Variants in PLOD2 observed in about 807,000 individuals in gnomAD.
PLOD2 encodes procollagen-lysine,2-oxoglutarate 5-dioxygenase 2.
A neutral mutation model predicts 101.0 loss-of-function variants in PLOD2; 65 were observed. The ratio of observed to expected loss-of-function variants is 0.64; its 90% CI spans 0.53 to 0.79. PLOD2 has a LOEUF of 0.79. Among genes scored for constraint, PLOD2 ranks in the 30% least tolerant of loss-of-function variants. The pLI is 0.00. For missense variants in PLOD2, 909 were observed against 914.6 expected (o/e 0.99, Z 0.08); for synonymous variants, 314 against 302.9 (o/e 1.04, Z -0.38).
intron 8 of PLOD2, among the ~76,000 whole-genome samples, chr3:146,090,074 G>A (rs1460606766): frequency 6.6e-6 from 1 of 150,978 alleles, no homozygotes; most frequent in Non-Finnish European, 1.5e-5. Context: ...CTTTGTGTAT[G>A]TATATTAAAT....
At chr3:146,154,825 T>TA (rs2032225519) in intron 1 of PLOD2, among the ~76,000 whole-genome samples, 1 of 152,202 alleles carries the variant, frequency 6.6e-6, no homozygotes, top group Non-Finnish European at 1.5e-5. Context: ...AGTCAATCAG[T>TA]AACTAAGTAT....
chr3:146,083,557 G>T (rs1327397179), intron 11 of PLOD2, among the ~76,000 whole-genome samples: 1 of 149,968 alleles, frequency 6.7e-6, no homozygotes, highest in African/African-American at 2.5e-5. Flanking sequence ...AAGGGCCCCA[G>T]ATGGCAGGTA....
chr3:146,130,011 T>C (rs1025908607), intron 1 of PLOD2, among the ~76,000 whole-genome samples: 27 of 152,152 alleles, frequency 1.8e-4, no homozygotes, highest in Non-Finnish European at 7.4e-5. Context: ...CATTGGTAAA[T>C]ACCCTCTTAG....
intron 1 of PLOD2, among the ~76,000 whole-genome samples, chr3:146,152,706 G>C (rs1314253875): frequency 6.6e-6 from 1 of 152,088 alleles, no homozygotes; most frequent in Non-Finnish European, 1.5e-5. Flanking sequence ...CAGGTATCCA[G>C]GTTGCTTACC....
intron 1 of PLOD2, among the ~76,000 whole-genome samples, chr3:146,130,467 G>A (rs577034755): frequency 1.3e-5 from 2 of 152,246 alleles, no homozygotes; most frequent in African/African-American, 4.8e-5. Context: ...GTTACAGAAA[G>A]GCAGAGAACA....
intron 1 of PLOD2, among the ~76,000 whole-genome samples, chr3:146,150,916 C>T (rs2032023829): frequency 6.6e-6 from 1 of 152,258 alleles, no homozygotes; most frequent in East Asian, 1.9e-4. Flanking sequence ...GTTTTCTCTT[C>T]TCATATAAAA....
At chr3:146,156,153 A>C (rs2032296821) in intron 1 of PLOD2, among the ~76,000 whole-genome samples, 1 of 152,198 alleles carries the variant, frequency 6.6e-6, no homozygotes, top group African/African-American at 2.4e-5. Context: ...TGAACGCAAA[A>C]CACCACAGGA....
At chr3:146,074,606 T>C (rs1018722709) in intron 15 of PLOD2, among the ~76,000 whole-genome samples, 1 of 151,612 alleles carries the variant, frequency 6.6e-6, no homozygotes, top group Non-Finnish European at 1.5e-5. Context: ...AGCTTTCTGA[T>C]TCTAAAATGT....
chr3:146,085,472 G>C, intron 10 of PLOD2, 199 bp from the exon 11 acceptor site: 1 of 556,786 alleles, frequency 1.8e-6, no homozygotes, highest in East Asian at 3.0e-5. Flanking sequence ...GATATTCACA[G>C]GGAGCTCACC....
At chr3:146,158,059 C>G (rs979129101) in intron 1 of PLOD2, among the ~76,000 whole-genome samples, 48 of 152,154 alleles carry the variant, frequency 3.2e-4, no homozygotes, top group African/African-American at 1.2e-3. Context: ...CAGTTTGGAT[C>G]ATAGAATAGT....
chr3:146,086,711 TAATTTA>T, intron 10 of PLOD2, 70 bp downstream of exon 10: 1 of 1,105,636 alleles, frequency 9.0e-7, no homozygotes, highest in Non-Finnish European at 1.3e-6. Flanking sequence ...ATAACAATTT[TAATTTA>T]AAAGTTTATT....
chr3:146,073,113 T>C (rs937802445), intron 16 of PLOD2, among the ~76,000 whole-genome samples, 174 bp downstream of exon 16: 2 of 151,688 alleles, frequency 1.3e-5, no homozygotes, highest in Non-Finnish European at 3.0e-5. Flanking sequence ...TTCTATGTTC[T>C]ACATTTTACA....
At chr3:146,141,431 G>T (rs1438184710) in intron 1 of PLOD2, among the ~76,000 whole-genome samples, 1 of 152,096 alleles carries the variant, frequency 6.6e-6, no homozygotes, top group East Asian at 1.9e-4. Flanking sequence ...ATTGAGATGG[G>T]GAAAGAAATC....
In PLOD2 at chr3:146,160,907, G is replaced by C; in HGVS notation, c.83C>G (p.Ser28Trp). ...HPWNPCLGAD[S>W]EKPSSIPTDK... ...TGTGGGGATGCTCGAGGGCTTCTCC[G>C]AGTCCGCACCCAGACAGGGATTCCA... The change falls in exon 1 of 20, where the codon TCG (serine) becomes TGG (tryptophan). Residue 28 changes from serine (S) to tryptophan (W), a missense_variant. Coordinates refer to ENST00000282903, the MANE Select transcript of PLOD2 (RefSeq NM_182943.3). The C allele has an allele frequency of 1.3e-6, 2 of 1,591,822 alleles. No individual in the cohort carries two copies. The highest frequency in any genetic ancestry group is 1.7e-6 in the Non-Finnish European group (2 of 1,169,024).
At chr3:146,117,275 G>T (rs2108082593) in intron 3 of PLOD2, among the ~76,000 whole-genome samples, 1 of 152,138 alleles carries the variant, frequency 6.6e-6, no homozygotes, top group South Asian at 2.1e-4. Flanking sequence ...AAATAAGAAT[G>T]TTTTGCTTTA....
intron 3 of PLOD2, among the ~76,000 whole-genome samples, chr3:146,117,875 A>C (rs1418446537): frequency 6.6e-6 from 1 of 152,082 alleles, no homozygotes; most frequent in Non-Finnish European, 1.5e-5. Flanking sequence ...CCTTCTTCTC[A>C]TGAGAAAAAA....
At position 146,125,142 on chromosome 3, in the gene PLOD2, A is replaced by G. The variant is rs1285680051; in HGVS notation, c.110-913T>C. Among the ~76,000 whole-genome samples the G allele has an allele frequency of 2.0e-5, 3 of 152,246 alleles. No homozygotes were observed. The East Asian group carries it at 5.8e-4, about 29-fold the overall frequency. On this transcript the variant is annotated intron_variant, in intron 1 of 19. Coordinates refer to ENST00000282903, the MANE Select transcript of PLOD2 (RefSeq NM_182943.3). The stretch of plus-strand genomic sequence containing the variant: ...TACACACTAAGAAAGCAAAACTAAC[A>G]TCTTTTCAATATTCTCTGAGTAACA...
At chr3:146,093,793 T>C (rs1302074587) in intron 7 of PLOD2, among the ~76,000 whole-genome samples, 1 of 152,194 alleles carries the variant, frequency 6.6e-6, no homozygotes, top group Non-Finnish European at 1.5e-5. Context: ...CTAGAATCCC[T>C]ATATGAATAT....
At chr3:146,136,700 G>T (rs2031249552) in intron 1 of PLOD2, among the ~76,000 whole-genome samples, 1 of 152,106 alleles carries the variant, frequency 6.6e-6, no homozygotes, top group Non-Finnish European at 1.5e-5. Context: ...TTTATGTTTA[G>T]ATATATTTAG....
Sources: allele counts gnomAD v4.1 joint callset (sites outside exome capture counted in the v4.1 genomes callset), GRCh38; gene constraint gnomAD v4.1.1; transcripts MANE v1.5; gene names NCBI Gene and HGNC (gene_info 2026-07-23, HGNC 2026-07-21).